Variants in RXFP1 observed in about 807,000 individuals in gnomAD.
RXFP1 encodes relaxin family peptide receptor 1.
RXFP1 carries 73 observed loss-of-function variants against 89.8 expected under a neutral mutation model. The observed-to-expected ratio is 0.81, with a 90% CI of 0.67 to 0.99. The LOEUF (loss-of-function observed/expected upper bound fraction) is 0.99, where lower values mean the gene tolerates loss of function less well. Among genes scored for constraint, RXFP1 ranks in the 50% least tolerant of loss-of-function variants. The probability of loss-of-function intolerance (pLI) is 0.00; values close to 1 mark genes in which losing one functional copy is unlikely to be tolerated. For missense variants in RXFP1, 793 were observed against 895.5 expected (o/e 0.89, Z 1.46); for synonymous variants, 277 against 305.5 (o/e 0.91, Z 0.97).
intron 1 of RXFP1, among the ~76,000 whole-genome samples, chr4:158,542,116 T>A: frequency 7.7e-6 from 1 of 129,036 alleles, no homozygotes; most frequent in Non-Finnish European, 1.7e-5. Flanking sequence ...TATATTTTTT[T>A]TTTAGTAGAG....
intron 1 of RXFP1, among the ~76,000 whole-genome samples, chr4:158,536,476 T>G (rs1314723004): frequency 6.6e-6 from 1 of 152,192 alleles, no homozygotes; most frequent in Non-Finnish European, 1.5e-5. Context: ...AGACTTTTAA[T>G]TTCCCTAAGA....
chr4:158,622,877 A>G (rs1765891481), intron 9 of RXFP1, among the ~76,000 whole-genome samples: 1 of 152,230 alleles, frequency 6.6e-6, no homozygotes, highest in African/African-American at 2.4e-5. Flanking sequence ...AAAGAAATTA[A>G]CTATGTAAGG....
At chr4:158,586,903 A>T (rs1400822739) in intron 2 of RXFP1, among the ~76,000 whole-genome samples, 1 of 152,048 alleles carries the variant, frequency 6.6e-6, no homozygotes, top group Non-Finnish European at 1.5e-5. Context: ...AAAAAAAAAA[A>T]GAAAATCAGC....
At chr4:158,639,167 G>T in intron 13 of RXFP1, 93 bp from the exon 14 acceptor site, 1 of 714,194 alleles carries the variant, frequency 1.4e-6, no homozygotes. Flanking sequence ...TTAACTAAAA[G>T]CATTTTATTA....
intron 1 of RXFP1, among the ~76,000 whole-genome samples, chr4:158,526,224 TTTGAA>T (rs1742474196): frequency 6.6e-6 from 1 of 152,264 alleles, no homozygotes; most frequent in Admixed American, 6.5e-5. Flanking sequence ...ATGTAAATAA[TTTGAA>T]TATATAGAAA....
At chr4:158,636,822 G>T (rs1580255097) in intron 12 of RXFP1, among the ~76,000 whole-genome samples, 2 of 152,120 alleles carry the variant, frequency 1.3e-5, no homozygotes, top group East Asian at 3.8e-4. Context: ...GCTATAGTCA[G>T]CATGTTACAC....
At chr4:158,611,023 G>A (rs182833139) in intron 6 of RXFP1, among the ~76,000 whole-genome samples, 1 of 152,320 alleles carries the variant, frequency 6.6e-6, no homozygotes, top group Admixed American at 6.5e-5. Flanking sequence ...TGAATCATAA[G>A]CAGAAAGAAA....
At chr4:158,557,224 T>G (rs1403588937) in intron 1 of RXFP1, among the ~76,000 whole-genome samples, 1 of 152,226 alleles carries the variant, frequency 6.6e-6, no homozygotes, top group Non-Finnish European at 1.5e-5. Flanking sequence ...TATGTATCAA[T>G]TTTTAAAGTA....
intron 1 of RXFP1, among the ~76,000 whole-genome samples, chr4:158,552,841 G>C (rs1047186271): frequency 2.0e-5 from 3 of 152,164 alleles, no homozygotes; most frequent in African/African-American, 4.8e-5. Flanking sequence ...AGAGGTTAAT[G>C]TTATGTTCAA....
chr4:158,612,145 CAGAAT>C lies in RXFP1; in HGVS notation c.554_558del (p.Arg185AsnfsTer9). ...CCTTTTCCAGGTATCTCAGTCATAA[CAGAAT>C]AACCTTCCTGAAGCCGGGTGTTTTT... On this transcript the variant is annotated frameshift_variant, in exon 7 of 18. Coordinates refer to ENST00000307765, the MANE Select transcript of RXFP1 (RefSeq NM_021634.4). LOFTEE classifies it high-confidence loss of function. 1 of 1,609,396 alleles carries C rather than the reference CAGAAT, an allele frequency of 6.2e-7. No homozygotes were observed. Among genetic ancestry groups the C allele is most frequent in the Non-Finnish European group, 8.5e-7 (1 of 1,178,376 alleles).
At chr4:158,534,187 G>A (rs1401256238) in intron 1 of RXFP1, among the ~76,000 whole-genome samples, 1 of 151,504 alleles carries the variant, frequency 6.6e-6, no homozygotes, top group East Asian at 1.9e-4. Context: ...ATTATAATGT[G>A]CTTTATTCCA....
intron 1 of RXFP1, chr4:158,543,927 T>C (rs552975247): frequency 4.1e-6 from 4 of 983,746 alleles, no homozygotes; most frequent in East Asian, 1.1e-4. Context: ...AATATCGATA[T>C]AGTAGTATCT....
chr4:158,582,383 C>A (rs1250298239), intron 2 of RXFP1, among the ~76,000 whole-genome samples: 2 of 152,088 alleles, frequency 1.3e-5, no homozygotes, highest in African/African-American at 4.8e-5. Flanking sequence ...CTCTGTGGTG[C>A]CAGGACATTG....
At chr4:158,612,472 C>T (rs2150133180) in intron 8 of RXFP1, 110 bp downstream of exon 8, 1 of 721,460 alleles carries the variant, frequency 1.4e-6, no homozygotes, top group Non-Finnish European at 2.3e-6. Context: ...CCCAAAGAGG[C>T]CTTTTCAATG....
At position 158,571,703 on chromosome 4, in the gene RXFP1, T is replaced by A. The variant is rs1755104339; in HGVS notation, c.50-995T>A. On this transcript the variant is annotated intron_variant, in intron 1 of 17. Coordinates refer to ENST00000307765, the MANE Select transcript of RXFP1 (RefSeq NM_021634.4). ...AAAAAAATAAGAAATGGTAAAACAG[T>A]CCTCGGTGGAATTTTCCTTTAATAA... Among the ~76,000 whole-genome samples the A allele has an allele frequency of 4.6e-5, 7 of 150,716 alleles. No homozygotes were observed. The Admixed American group carries it at 4.6e-4, about 10-fold the overall frequency.
intron 1 of RXFP1, among the ~76,000 whole-genome samples, chr4:158,538,306 G>A (rs1745743701): frequency 6.6e-6 from 1 of 152,188 alleles, no homozygotes; most frequent in Admixed American, 6.5e-5. Context: ...GAAGCAGGAA[G>A]TCCAAGTGAG....
intron 1 of RXFP1, among the ~76,000 whole-genome samples, chr4:158,562,923 T>A (rs1004829645): frequency 2.6e-5 from 4 of 152,186 alleles, no homozygotes; most frequent in Non-Finnish European, 4.4e-5. Context: ...AGGCTAATAT[T>A]CCTAAGTAGG....
chr4:158,568,838 G>C (rs1754413601), intron 1 of RXFP1, among the ~76,000 whole-genome samples: 1 of 152,152 alleles, frequency 6.6e-6, no homozygotes, highest in Admixed American at 6.5e-5. Context: ...ACTTCACAAA[G>C]GAAGTAGTCA....
At chr4:158,547,455 T>C (rs961091888) in intron 1 of RXFP1, among the ~76,000 whole-genome samples, 1 of 152,228 alleles carries the variant, frequency 6.6e-6, no homozygotes, top group African/African-American at 2.4e-5. Flanking sequence ...TTCCTTCAGT[T>C]CTGCTCTGAC....
Sources: gnomAD v4.1 joint callset for allele counts (sites outside exome capture counted in the v4.1 genomes callset) on GRCh38, gnomAD v4.1.1 for gene constraint, MANE v1.5 for transcripts, NCBI Gene and HGNC (gene_info 2026-07-23, HGNC 2026-07-21) for gene names.